PSAT1: variants seen among roughly 807,000 people sequenced by gnomAD.
PSAT1 encodes the protein phosphoserine aminotransferase 1.
A neutral mutation model predicts 40.3 loss-of-function variants in PSAT1; 41 were observed. The observed-to-expected ratio is 1.02, with a 90% CI of 0.79 to 1.32. The LOEUF (loss-of-function observed/expected upper bound fraction) is 1.32, where lower values mean the gene tolerates loss of function less well. Ranked by LOEUF, PSAT1 falls within the 40% of genes most tolerant of loss-of-function variation. The pLI, the probability that PSAT1 is intolerant of heterozygous loss-of-function variation, is 0.00. For synonymous variants in PSAT1, 147 were observed against 170.5 expected (o/e 0.86, Z 1.07); for missense variants, 406 against 455.8 (o/e 0.89, Z 0.99).
At chr9:78,309,353 C>A (rs1207869636) in intron 6 of PSAT1, among the ~76,000 whole-genome samples, 2 of 152,144 alleles carry the variant, frequency 1.3e-5, no homozygotes, top group Non-Finnish European at 2.9e-5. Flanking sequence ...GCTTAAATAC[C>A]TTTCTGGGTT....
chr9:78,319,789 G>A (rs778609463), intron 7 of PSAT1, among the ~76,000 whole-genome samples: 3 of 152,148 alleles, frequency 2.0e-5, no homozygotes, highest in Admixed American at 6.5e-5. Flanking sequence ...AATCATCCCC[G>A]CAAAGGCACT....
intron 7 of PSAT1, among the ~76,000 whole-genome samples, chr9:78,321,668 C>T (rs1051867796): frequency 5.9e-5 from 9 of 152,246 alleles, no homozygotes; most frequent in East Asian, 3.9e-4. Flanking sequence ...AGACAACCAT[C>T]GAAGCCTCCA....
intron 7 of PSAT1, among the ~76,000 whole-genome samples, chr9:78,325,849 T>C (rs1285191128): frequency 6.6e-6 from 1 of 152,254 alleles, no homozygotes; most frequent in Non-Finnish European, 1.5e-5. Context: ...TGATATCTTC[T>C]ACTTTCATGA....
intron 6 of PSAT1, among the ~76,000 whole-genome samples, 180 bp from the exon 7 acceptor site, chr9:78,317,496 C>T (rs960696289): frequency 1.4e-4 from 22 of 152,248 alleles, no homozygotes; most frequent in Non-Finnish European, 2.4e-4. Flanking sequence ...AGCGATCCTT[C>T]GGCCTCGGCC....
chr9:78,301,773 T>G (rs1285593582), intron 2 of PSAT1, among the ~76,000 whole-genome samples, 181 bp from the exon 3 acceptor site: 1 of 152,222 alleles, frequency 6.6e-6, no homozygotes, highest in Non-Finnish European at 1.5e-5. Flanking sequence ...GCTAAAATGT[T>G]TGCAATTTGA....
rs1828556051 is a variant in PSAT1, at chr9:78,329,963, C to T, written c.*877C>T. The T allele has an allele frequency of 6.6e-6, 1 of 152,158 alleles. No individual in the cohort carries two copies. The highest frequency in any genetic ancestry group is 1.5e-5 in the Non-Finnish European group (1 of 68,036). 9.4% of individuals were successfully genotyped at this position (152,158 alleles called of 1,614,324 possible). ...CTGTTAAATTACCCTATCCTTTGTT[C>T]TCTACTGTTTTCTTTGTAATGTATG... is the stretch of plus-strand genomic sequence containing the variant. On this transcript the variant is annotated 3_prime_UTR_variant, in exon 9 of 9. Coordinates refer to ENST00000376588, the MANE Select transcript of PSAT1 (RefSeq NM_058179.4).
intron 8 of PSAT1, among the ~76,000 whole-genome samples, 170 bp downstream of exon 8, chr9:78,328,358 C>A (rs1378099113): frequency 6.6e-6 from 1 of 152,154 alleles, no homozygotes; most frequent in Admixed American, 6.5e-5. Context: ...TTATGGAACC[C>A]TTTGCATAAT....
Position 78,308,399 on chromosome 9 carries a change from CTT to C in PSAT1, c.571-13_571-12del. 1 of 1,612,284 alleles carries C rather than the reference CTT, an allele frequency of 6.2e-7. No homozygotes were observed. Among genetic ancestry groups the C allele is most frequent in the Non-Finnish European group, 8.5e-7 (1 of 1,179,150 alleles). ...GCCAAATCCTTCTTAAGCAGCATGT[CTT>C]TCTCTTTTTAAGTTTGGTGTGATTT... is the stretch of plus-strand genomic sequence containing the variant. On this transcript the variant is annotated splice_polypyrimidine_tract_variant and intron_variant, in intron 5 of 8. Coordinates refer to ENST00000376588, the MANE Select transcript of PSAT1 (RefSeq NM_058179.4).
intron 5 of PSAT1, 84 bp downstream of exon 5, chr9:78,306,570 C>T (rs1828187837): frequency 6.4e-7 from 1 of 1,561,510 alleles, no homozygotes; most frequent in Non-Finnish European, 8.8e-7. Context: ...GCGGGAAGAA[C>T]CATGGGTGTT....
chr9:78,317,551 A>G lies in PSAT1; in HGVS notation c.741-125A>G, dbSNP rs543919364. On this transcript the variant is annotated intron_variant, in intron 6 of 8. Coordinates refer to ENST00000376588, the MANE Select transcript of PSAT1 (RefSeq NM_058179.4). Reference sequence around the variant, plus strand: ...CGGGCGTGAGCCACTGCATTTGACTATCTTGTCTATTTCAAATAATGTGTT... The same window carrying G: ...CGGGCGTGAGCCACTGCATTTGACTGTCTTGTCTATTTCAAATAATGTGTT... 61 of 1,171,658 alleles carry G rather than the reference A, an allele frequency of 5.2e-5. No homozygotes were observed. The Admixed American group carries it at 6.4e-4, about 12-fold the overall frequency. 72.6% of individuals were successfully genotyped at this position (1,171,658 alleles called of 1,614,324 possible). A position where few individuals can be genotyped will look rare whatever the true frequency, so the allele number is the denominator to read the frequency against.
intron 7 of PSAT1, among the ~76,000 whole-genome samples, chr9:78,323,340 G>A (rs1828455160): frequency 6.6e-6 from 1 of 152,188 alleles, no homozygotes; most frequent in African/African-American, 2.4e-5. Flanking sequence ...GGAGGCCAAG[G>A]TGGGAGAATT....
rs574968323 is a variant in PSAT1, at chr9:78,323,241, G to C, written c.870-4810G>C. Among the ~76,000 whole-genome samples, 10 of 152,290 alleles carry C rather than the reference G, an allele frequency of 6.6e-5. No individual in the cohort carries two copies. In the South Asian group the frequency reaches 2.1e-3, roughly 32 times the overall value. ...TGTCATCAGACCAAAAGGAGCAAGA[G>C]CAAGTGTAGGAAAAGACAAATCTAT... On this transcript the variant is annotated intron_variant, in intron 7 of 8. Transcript: ENST00000376588.
chr9:78,306,666 C>G (rs1039325708), intron 5 of PSAT1, among the ~76,000 whole-genome samples, 180 bp downstream of exon 5: 2 of 152,204 alleles, frequency 1.3e-5, no homozygotes, highest in Admixed American at 6.5e-5. Context: ...GTGCCTGAGT[C>G]CTGCTGTTCC....
chr9:78,308,505 T>C lies in PSAT1; in HGVS notation c.662T>C (p.Leu221Pro), dbSNP rs762233132. Reference sequence around the variant, plus strand: ...CGTGATGACCTGCTGGGGTTTGCCCTCCGAGAGTGCCCCTCGGTCCTGGAA... The same window carrying C: ...CGTGATGACCTGCTGGGGTTTGCCCCCCGAGAGTGCCCCTCGGTCCTGGAA... The part of the protein sequence containing the change: ...IVRDDLLGFA[L>P]RECPSVLEYK... The change falls in exon 6 of 9, where the codon CTC becomes CCC. Residue 221 changes from leucine (L) to proline (P), a missense_variant. By Grantham distance (98) the Leu-to-Pro change is moderately conservative. Transcript: ENST00000376588. The C allele has an allele frequency of 6.2e-7, 1 of 1,614,050 alleles. No individual in the cohort carries two copies. Among genetic ancestry groups the C allele is most frequent in the Non-Finnish European group, 8.5e-7 (1 of 1,179,976 alleles).
intron 6 of PSAT1, among the ~76,000 whole-genome samples, chr9:78,313,119 A>T (rs760805315): frequency 3.9e-5 from 6 of 152,194 alleles, no homozygotes; most frequent in Non-Finnish European, 7.3e-5. Flanking sequence ...TAATCCCAGC[A>T]CTTCAGGAGG....
chr9:78,302,457 G>A lies in PSAT1; in HGVS notation c.191+434G>A, dbSNP rs1027503016. On this transcript the variant is annotated intron_variant, in intron 3 of 8. Transcript: ENST00000376588. ...AAAAAATTCAAGTGGGGCCGGGCAA[G>A]GTGGCTCATGCCTGTAATCCCAGCA... Among the ~76,000 whole-genome samples the A allele has an allele frequency of 3.3e-5, 5 of 152,276 alleles. No homozygotes were observed. In the East Asian group the frequency reaches 7.7e-4, roughly 24 times the overall value.
intron 6 of PSAT1, among the ~76,000 whole-genome samples, chr9:78,310,732 C>T (rs900902716): frequency 2.0e-5 from 3 of 152,008 alleles, no homozygotes; most frequent in African/African-American, 2.4e-5. Context: ...CTCAGCCTCC[C>T]GAGTAGCTGG....
Position 78,329,538 on chromosome 9 carries a change from T to C in PSAT1, c.*452T>C, listed in dbSNP as rs907027317. ...GTTGATTCAAGGTCAACATTGACCA[T>C]TGGAGGAGTGGTTTAAGAGTGCCAG... On this transcript the variant is annotated 3_prime_UTR_variant, in exon 9 of 9. Coordinates refer to ENST00000376588, the MANE Select transcript of PSAT1 (RefSeq NM_058179.4). 6.2e-5 allele frequency: 13 copies of C among 211,036 alleles called. No homozygotes were observed. The East Asian group carries it at 6.2e-4, about 10-fold the overall frequency. The allele number at this position is 211,036 out of a possible 1,614,324, so 13.1% of individuals were successfully genotyped here.
chr9:78,300,711 T>TTC (rs1491240227), intron 2 of PSAT1, 49 bp downstream of exon 2: 2 of 59,410 alleles, frequency 3.4e-5, no homozygotes, highest in Admixed American at 8.6e-4. Flanking sequence ...CAAAGGAAGC[T>TTC]TTTTTTTTTT....
Sources: gnomAD v4.1 joint callset for allele counts (sites outside exome capture counted in the v4.1 genomes callset) on GRCh38, gnomAD v4.1.1 for gene constraint, MANE v1.5 for transcripts, NCBI Gene and HGNC (gene_info 2026-07-23, HGNC 2026-07-21) for gene names.